The following NLRP14 variants were observed in gnomAD, a reference collection of about 807,000 sequenced individuals.
The protein encoded by NLRP14 is NLR family pyrin domain containing 14.
NLRP14 carries 105 observed loss-of-function variants against 94.7 expected under a neutral mutation model. The observed-to-expected ratio is 1.11, with a 90% CI of 0.95 to 1.30. The LOEUF is 1.30. Ranked by LOEUF, NLRP14 falls within the 50% of genes most tolerant of loss-of-function variation. The pLI is 0.00. For synonymous variants in NLRP14, 508 were observed against 459.9 expected, an observed-to-expected ratio of 1.10 and a Z score of -1.34; for missense variants, 1,362 against 1,254.1, an observed-to-expected ratio of 1.09 and a Z score of -1.30.
Position 7,046,792 on chromosome 11 carries a change from C to T in NLRP14, c.2083C>T (p.His695Tyr), listed in dbSNP as rs540063752. ...TAAATCAGCAATGAATATCCTGCATCATGAACTAAGGCACCCAAACTGTAA... is the reference window on the plus strand; with the variant it reads ...TAAATCAGCAATGAATATCCTGCATTATGAACTAAGGCACCCAAACTGTAA... ...LDKSAMNILH[H>Y]ELRHPNCKLQ... The change falls in exon 5 of 12, where the codon CAT (histidine) becomes TAT (tyrosine). Residue 695 changes from histidine (H) to tyrosine (Y), a missense_variant. Physicochemically the swap from His to Tyr is moderately conservative, Grantham distance 83 (BLOSUM62 2). Coordinates refer to ENST00000299481, the MANE Select transcript of NLRP14 (RefSeq NM_176822.4). The T allele has an allele frequency of 6.2e-7, 1 of 1,613,598 alleles. No individual in the cohort carries two copies. The highest frequency in any genetic ancestry group is 1.7e-5 in the Admixed American group (1 of 60,002).
At chr11:7,079,456 G>A in the NLRP14 span, among the ~76,000 whole-genome samples, 4 of 152,178 alleles carry the variant, frequency 2.6e-5, no homozygotes, top group Admixed American at 6.5e-5. Context: ...ATCTGGTCAC[G>A]TAGAGAACAG....
At chr11:7,072,778 G>A (rs980064458), downstream of NLRP14, among the ~76,000 whole-genome samples, 9 of 152,176 alleles carry the variant, frequency 5.9e-5, no homozygotes, top group African/African-American at 2.2e-4. Flanking sequence ...CTTTATCAGG[G>A]ATTGTGGTTT....
rs750004741 is a variant in NLRP14, at chr11:7,059,994, C to T, written c.2734C>T (p.Leu912=). ...GCATCTGGATCTAGGATCAAACTGGCTACAAGACAATGGAGTGAAGCTTCT... is the reference window on the plus strand; with the variant it reads ...GCATCTGGATCTAGGATCAAACTGGTTACAAGACAATGGAGTGAAGCTTCT... The part of the protein sequence containing the change: ...LTHLDLGSNW[L]QDNGVKLLCD... The change falls in exon 9 of 12, where the codon CTA becomes TTA. Residue 912 remains leucine (L), a synonymous_variant. Transcript: ENST00000299481. The T allele has an allele frequency of 6.8e-6, 11 of 1,612,796 alleles. No homozygotes were observed. The highest frequency in any genetic ancestry group is 9.3e-6 in the Non-Finnish European group (11 of 1,179,010).
At chr11:7,089,626 C>T in the NLRP14 span, 5 of 1,248,112 alleles carry the variant, frequency 4.0e-6, no homozygotes, top group African/African-American at 1.6e-5. Context: ...CCGTCGGGCC[C>T]GGCTCGCAGC....
At position 7,043,129 on chromosome 11, in the gene NLRP14, T is replaced by TC. The variant is rs753992075; in HGVS notation, c.1108dup (p.Leu370ProfsTer19). The TC allele has an allele frequency of 1.2e-6, 2 of 1,613,936 alleles. No individual in the cohort carries two copies. Among genetic ancestry groups the TC allele is most frequent in the Admixed American group, 1.7e-5 (1 of 59,986 alleles). On this transcript the variant is annotated frameshift_variant, in exon 4 of 12. Coordinates refer to ENST00000299481, the MANE Select transcript of NLRP14 (RefSeq NM_176822.4). LOFTEE classifies it high-confidence loss of function. ...GAGATGCTGTTTAGCATGTGCCAAG[T>TC]CCCCCTAGTGTGCTGGGCCGCTTGT... is the stretch of plus-strand genomic sequence containing the variant.
At chr11:7,083,029 A>G in the NLRP14 span, among the ~76,000 whole-genome samples, 1 of 152,224 alleles carries the variant, frequency 6.6e-6, no homozygotes, top group Non-Finnish European at 1.5e-5. Context: ...GTGACCATGA[A>G]GTAGGAAAAA....
chr11:7,044,452 C>A (rs1852321330), intron 4 of NLRP14, among the ~76,000 whole-genome samples: 1 of 152,172 alleles, frequency 6.6e-6, no homozygotes, highest in Admixed American at 6.5e-5. Context: ...ACTCCACTGA[C>A]CTAGCTCGCT....
intron 1 of NLRP14, among the ~76,000 whole-genome samples, chr11:7,033,869 T>C (rs868745561): frequency 3.9e-5 from 6 of 152,342 alleles, no homozygotes; most frequent in South Asian, 4.1e-4. Flanking sequence ...TTTTTTCTTA[T>C]GGCTAGACTA....
intron 1 of NLRP14, among the ~76,000 whole-genome samples, chr11:7,028,833 T>TA (rs980984197): frequency 6.6e-6 from 1 of 152,132 alleles, no homozygotes; most frequent in African/African-American, 2.4e-5. Context: ...TACTGAGAAT[T>TA]AAAAAAATGA....
intron 3 of NLRP14, among the ~76,000 whole-genome samples, chr11:7,041,975 G>A (rs1049569090): frequency 2.0e-5 from 3 of 147,906 alleles, no homozygotes; most frequent in Non-Finnish European, 4.5e-5. Context: ...TGTAGATTCA[G>A]GTCTGTCTTG....
chr11:7,089,573 G>A, the NLRP14 span: 5 of 1,183,304 alleles, frequency 4.2e-6, no homozygotes, highest in African/African-American at 8.2e-5. Context: ...TGAAGCGTGG[G>A]CCGCCGCCGC....
intron 4 of NLRP14, among the ~76,000 whole-genome samples, 190 bp downstream of exon 4, chr11:7,044,174 C>T (rs1430346622): frequency 2.0e-5 from 3 of 152,084 alleles, no homozygotes; most frequent in African/African-American, 7.2e-5. Context: ...GAGGAGTGGG[C>T]AAAAACTTTC....
the NLRP14 span, chr11:7,089,832 T>C: frequency 6.2e-7 from 1 of 1,604,574 alleles, no homozygotes; most frequent in Non-Finnish European, 8.5e-7. Context: ...GCCCGGAGAG[T>C]ACACCCACCG....
chr11:7,081,015 C>T, the NLRP14 span, among the ~76,000 whole-genome samples: 1 of 151,542 alleles, frequency 6.6e-6, no homozygotes, highest in Non-Finnish European at 1.5e-5. Flanking sequence ...AGAAATCTTT[C>T]TGGCCCAGAG....
chr11:7,032,318 C>A (rs10839693), intron 1 of NLRP14, among the ~76,000 whole-genome samples: 102,198 of 152,034 alleles, frequency 0.67, 34,771 homozygotes, highest in East Asian at 0.86. Flanking sequence ...AGGTCATTTT[C>A]ATGACTAAAA....
chr11:7,049,966 A>T, intron 6 of NLRP14, 128 bp downstream of exon 6: 1 of 800,124 alleles, frequency 1.2e-6, no homozygotes, highest in Non-Finnish European at 2.2e-6. Flanking sequence ...GATATGGGGT[A>T]GCAAGCATCT....
At chr11:7,080,169 G>C in the NLRP14 span, among the ~76,000 whole-genome samples, 1 of 152,140 alleles carries the variant, frequency 6.6e-6, no homozygotes, top group Non-Finnish European at 1.5e-5. Flanking sequence ...GTATCCTGGG[G>C]ACCCCATTTG....
chr11:7,025,823 C>T lies in NLRP14; in HGVS notation c.-22+5053C>T, dbSNP rs545574837. Among the ~76,000 whole-genome samples the T allele has an allele frequency of 7.3e-5, 11 of 151,552 alleles. No homozygotes were observed. The South Asian group carries it at 2.1e-3, about 29-fold the overall frequency. Reference sequence around the variant, plus strand: ...CTAAATACATGGAGCTAAATACATGCATAAATTTGAGTACTTGATTAAAAA... The same window carrying T: ...CTAAATACATGGAGCTAAATACATGTATAAATTTGAGTACTTGATTAAAAA... On this transcript the variant is annotated intron_variant, in intron 1 of 11. Transcript: ENST00000299481.
the NLRP14 span, among the ~76,000 whole-genome samples, chr11:7,077,032 G>A: frequency 6.6e-6 from 1 of 152,188 alleles, no homozygotes; most frequent in Non-Finnish European, 1.5e-5. Flanking sequence ...GTCACTGCCC[G>A]AAACACCTAG....
Sources: gnomAD v4.1 joint callset for allele counts (sites outside exome capture counted in the v4.1 genomes callset) on GRCh38, gnomAD v4.1.1 for gene constraint, MANE v1.5 for transcripts, NCBI Gene and HGNC (gene_info 2026-07-23, HGNC 2026-07-21) for gene names.